NMT2: variants seen among roughly 807,000 people sequenced by gnomAD.
NMT2 encodes the protein glycylpeptide N-tetradecanoyltransferase 2.
A neutral mutation model predicts 65.4 loss-of-function variants in NMT2; 35 were observed. The observed-to-expected ratio is 0.54, with a 90% CI of 0.41 to 0.71. The LOEUF is 0.71. NMT2 is among the 30% of genes least tolerant of loss of function. The pLI, the probability that NMT2 is intolerant of heterozygous loss-of-function variation, is 0.00. For missense variants in NMT2, 489 were observed against 611.3 expected (o/e 0.80, Z 2.11); for synonymous variants, 226 against 231.8 (o/e 0.98, Z 0.23).
chr10:15,125,954 C>T (rs1046505628), intron 8 of NMT2, among the ~76,000 whole-genome samples: 23 of 151,906 alleles, frequency 1.5e-4, no homozygotes, highest in African/African-American at 4.8e-4. Context: ...TGTGAGCCAC[C>T]GCGCCTGGCC....
chr10:15,115,900 A>G (rs1393331716), intron 9 of NMT2, among the ~76,000 whole-genome samples: 1 of 152,234 alleles, frequency 6.6e-6, no homozygotes, highest in African/African-American at 2.4e-5. Context: ...CCTAATATAC[A>G]TGTGAGTATC....
intron 1 of NMT2, among the ~76,000 whole-genome samples, chr10:15,151,278 A>C (rs993784703): frequency 6.6e-6 from 1 of 152,050 alleles, no homozygotes; most frequent in Non-Finnish European, 1.5e-5. Context: ...GCTGGTCTTG[A>C]ACTCCCGACC....
At chr10:15,142,092 A>C (rs555428274) in intron 1 of NMT2, among the ~76,000 whole-genome samples, 69 of 152,324 alleles carry the variant, frequency 4.5e-4, no homozygotes, top group Middle Eastern at 6.8e-3. Context: ...AACAATCACA[A>C]ACAAAACACA....
At chr10:15,150,319 TGCA>T (rs1453890247) in intron 1 of NMT2, among the ~76,000 whole-genome samples, 1 of 152,236 alleles carries the variant, frequency 6.6e-6, no homozygotes, top group African/African-American at 2.4e-5. Context: ...GGATTTCACC[TGCA>T]GTTCAGGGTT....
intron 1 of NMT2, among the ~76,000 whole-genome samples, chr10:15,154,346 G>T (rs12247806): frequency 0.076 from 11,634 of 152,186 alleles, 1,153 homozygotes; most frequent in African/African-American, 0.23. Context: ...CACATGACGG[G>T]ATGGCCAGCC....
chr10:15,159,795 C>G (rs1189068779), intron 1 of NMT2, among the ~76,000 whole-genome samples: 1 of 152,162 alleles, frequency 6.6e-6, no homozygotes, highest in Non-Finnish European at 1.5e-5. Context: ...ACGCAAAGAC[C>G]CACATCTCCC....
chr10:15,168,072 T>C (rs1833434340), intron 1 of NMT2, among the ~76,000 whole-genome samples: 1 of 152,082 alleles, frequency 6.6e-6, no homozygotes, highest in Non-Finnish European at 1.5e-5. Flanking sequence ...TGAAGGGACT[T>C]AACAAGGATG....
chr10:15,141,391 C>A (rs372573119), intron 2 of NMT2, 31 bp downstream of exon 2: 1 of 1,612,814 alleles, frequency 6.2e-7, no homozygotes, highest in African/African-American at 1.3e-5. Flanking sequence ...CGAGAAACCA[C>A]ACAGAGGAAA....
intron 8 of NMT2, among the ~76,000 whole-genome samples, chr10:15,119,831 G>C (rs1845865496): frequency 6.6e-6 from 1 of 152,100 alleles, no homozygotes; most frequent in Non-Finnish European, 1.5e-5. Context: ...AACATCAAAG[G>C]GAACAGTACA....
chr10:15,150,881 G>C (rs1832778124), intron 1 of NMT2, among the ~76,000 whole-genome samples: 1 of 152,162 alleles, frequency 6.6e-6, no homozygotes, highest in Non-Finnish European at 1.5e-5. Flanking sequence ...GAATCTTGAT[G>C]ATCCCCCTTG....
chr10:15,107,455 T>A lies in NMT2; in HGVS notation c.*1740A>T. 1 of 985,248 alleles carries A rather than the reference T, an allele frequency of 1.0e-6. No individual in the cohort carries two copies. The highest frequency in any genetic ancestry group is 1.2e-6 in the Non-Finnish European group (1 of 829,744). The allele number at this position is 985,248 out of a possible 1,614,324, so 61.0% of individuals were successfully genotyped here. A position where few individuals can be genotyped will look rare whatever the true frequency, so the allele number is the denominator to read the frequency against. ...GGCCCAGTAAAAGCAGGGAAAAGTATCTACTTTTGTTTTTTGAGACGGAGT... is the reference window on the plus strand; with the variant it reads ...GGCCCAGTAAAAGCAGGGAAAAGTAACTACTTTTGTTTTTTGAGACGGAGT... On this transcript the variant is annotated 3_prime_UTR_variant, in exon 12 of 12. Transcript: ENST00000378165.
intron 1 of NMT2, 88 bp from the exon 2 acceptor site, chr10:15,141,645 A>C: frequency 6.8e-7 from 1 of 1,470,870 alleles, no homozygotes; most frequent in Non-Finnish European, 9.1e-7. Context: ...CATTTCAAAA[A>C]ACACAGCTGT....
chr10:15,136,419 GGGAGGAA>G (rs766247056), intron 2 of NMT2, among the ~76,000 whole-genome samples: 1 of 143,390 alleles, frequency 7.0e-6, no homozygotes. Flanking sequence ...GAGAGGGAGA[GGGAGGAA>G]GGAGGAAGGA....
At chr10:15,127,562 AAAAAAAAATAAATAAAT>A (rs1846126619) in intron 8 of NMT2, among the ~76,000 whole-genome samples, 1 of 90,220 alleles carries the variant, frequency 1.1e-5, no homozygotes, top group Admixed American at 1.0e-4. Context: ...AAAAAAAAAA[AAAAAAAAATAAATAAAT>A]AAATAAATAA....
At chr10:15,119,633 A>C in intron 8 of NMT2, 120 bp from the exon 9 acceptor site, 1 of 734,212 alleles carries the variant, frequency 1.4e-6, no homozygotes, top group Non-Finnish European at 2.3e-6. Context: ...AGCTAGTTAG[A>C]GCTGCAGAGC....
At chr10:15,127,558 A>AAAAAAAT (rs1564568310) in intron 8 of NMT2, among the ~76,000 whole-genome samples, 15 of 95,566 alleles carry the variant, frequency 1.6e-4, no homozygotes, top group African/African-American at 1.5e-3. Context: ...AAAAAAAAAA[A>AAAAAAAT]AAAAAAAAAA....
rs1283664836 is a variant in NMT2 at position 15,130,294 on chromosome 10, T to C, written c.738A>G (p.Glu246=). 1 of 1,589,914 alleles carries C rather than the reference T, an allele frequency of 6.3e-7. No individual in the cohort carries two copies. Among genetic ancestry groups the C allele is most frequent in the Non-Finnish European group, 8.6e-7 (1 of 1,167,464 alleles). ...RIYDSVKKMV[E]INFLCVHKKL... Reference sequence around the variant, plus strand: ...TCTTATGAACACAAAGAAAGTTGATTTCTACCATCTTCTTCACACTAAGAA... The same window carrying C: ...TCTTATGAACACAAAGAAAGTTGATCTCTACCATCTTCTTCACACTAAGAA... Residue 246 remains glutamate, a synonymous_variant, in exon 7 of 12, where the codon GAA becomes GAG. Coordinates refer to ENST00000378165, the MANE Select transcript of NMT2 (RefSeq NM_004808.3).
chr10:15,164,271 A>T (rs1037312311), intron 1 of NMT2, among the ~76,000 whole-genome samples: 1 of 151,998 alleles, frequency 6.6e-6, no homozygotes, highest in Non-Finnish European at 1.5e-5. Context: ...CAACAAAAAC[A>T]TACTCACCTA....
Position 15,128,334 on chromosome 10 carries a change from A to T in NMT2, c.999+16T>A. On this transcript the variant is annotated intron_variant, in intron 8 of 11. Transcript: ENST00000378165. ...GTTGTTACAGCTTCAAAAAACTGCA[A>T]ATCATTCTTACTTACATCTGGAAGT... The T allele has an allele frequency of 7.0e-7, 1 of 1,428,188 alleles. No individual in the cohort carries two copies. Among genetic ancestry groups the T allele is most frequent in the Non-Finnish European group, 9.9e-7 (1 of 1,012,804 alleles). The allele number at this position is 1,428,188 out of a possible 1,614,324, so 88.5% of individuals were successfully genotyped here.
Sources: allele counts gnomAD v4.1 joint callset (sites outside exome capture counted in the v4.1 genomes callset), GRCh38; gene constraint gnomAD v4.1.1; transcripts MANE v1.5; gene names NCBI Gene and HGNC (gene_info 2026-07-23, HGNC 2026-07-21).